ARRDC5: variants seen among roughly 807,000 people sequenced by gnomAD.
The protein encoded by ARRDC5 is arrestin domain-containing protein 5.
A neutral mutation model predicts 13.3 loss-of-function variants in ARRDC5; 12 were observed. The observed-to-expected ratio is 0.90, with a 90% CI of 0.58 to 1.46. The LOEUF (loss-of-function observed/expected upper bound fraction) is 1.46. ARRDC5 is among the 40% of genes most tolerant of loss of function. ARRDC5 has a pLI of 0.00. For missense variants in ARRDC5, 406 were observed against 418.7 expected (o/e 0.97, Z 0.26); for synonymous variants, 181 against 173.4 (o/e 1.04, Z -0.34).
At chr19:4,900,644 C>T (rs895908611) in intron 1 of ARRDC5, among the ~76,000 whole-genome samples, 2 of 152,122 alleles carry the variant, frequency 1.3e-5, no homozygotes, top group Non-Finnish European at 2.9e-5. Context: ...TGGAGTCCCT[C>T]CTATCACTCA....
chr19:4,915,720 CAAAACAA>C, the ARRDC5 span, among the ~76,000 whole-genome samples: 2 of 151,516 alleles, frequency 1.3e-5, no homozygotes, highest in African/African-American at 4.8e-5. Flanking sequence ...AAAAAAAAAG[CAAAACAA>C]AAAACAAAAC....
At chr19:4,903,985 CT>C (rs566325507), upstream of ARRDC5, among the ~76,000 whole-genome samples, 3 of 150,190 alleles carry the variant, frequency 2.0e-5, no homozygotes, top group South Asian at 6.4e-4. Flanking sequence ...TGACATTTCT[CT>C]TTTTTTTTGA....
the ARRDC5 span, among the ~76,000 whole-genome samples, chr19:4,912,291 C>T: frequency 8.5e-5 from 13 of 152,200 alleles, no homozygotes; most frequent in African/African-American, 2.7e-4. Context: ...TCCTATGATG[C>T]GTGCTCCCTT....
At chr19:4,900,282 T>A (rs2031875415) in intron 1 of ARRDC5, among the ~76,000 whole-genome samples, 1 of 151,270 alleles carries the variant, frequency 6.6e-6, no homozygotes, top group African/African-American at 2.4e-5. Flanking sequence ...TGAGCAGCTG[T>A]ATTTTTTGTA....
At chr19:4,909,664 G>A in the ARRDC5 span, 2 of 534,322 alleles carry the variant, frequency 3.7e-6, no homozygotes, top group Non-Finnish European at 6.5e-6. Flanking sequence ...AGGTGAGCGG[G>A]CGGGCCGGGT....
At chr19:4,914,259 C>T in the ARRDC5 span, among the ~76,000 whole-genome samples, 14 of 152,052 alleles carry the variant, frequency 9.2e-5, no homozygotes, top group African/African-American at 2.9e-4. Flanking sequence ...GGCGGGAAGG[C>T]GGGACAGAGG....
chr19:4,916,631 G>A, the ARRDC5 span, among the ~76,000 whole-genome samples: 4 of 152,274 alleles, frequency 2.6e-5, no homozygotes, highest in East Asian at 3.9e-4. Context: ...CCCTCGCGGC[G>A]CCGTCCACGC....
At chr19:4,906,525 G>A (rs1406302761), upstream of ARRDC5, among the ~76,000 whole-genome samples, 1 of 152,062 alleles carries the variant, frequency 6.6e-6, no homozygotes, top group Non-Finnish European at 1.5e-5. Flanking sequence ...AAGTCCAGGC[G>A]GGCAGATCAC....
At chr19:4,900,234 G>T (rs1010199178) in intron 1 of ARRDC5, among the ~76,000 whole-genome samples, 2 of 133,680 alleles carry the variant, frequency 1.5e-5, no homozygotes, top group Admixed American at 8.5e-5. Flanking sequence ...CGCAAGCTCC[G>T]CCTCCCGGGT....
At chr19:4,907,555 C>CCCAGGATTA (rs1405916828), upstream of ARRDC5, among the ~76,000 whole-genome samples, 1 of 151,952 alleles carries the variant, frequency 6.6e-6, no homozygotes, top group African/African-American at 2.4e-5. Flanking sequence ...CACGTGTGAG[C>CCCAGGATTA]CACCACGCCC....
intron 1 of ARRDC5, among the ~76,000 whole-genome samples, chr19:4,902,182 G>C (rs1273809184): frequency 6.6e-6 from 1 of 151,750 alleles, no homozygotes; most frequent in Non-Finnish European, 1.5e-5. Context: ...GAACCACTGT[G>C]CCTGGCCCAC....
At position 4,896,816 on chromosome 19, in the gene ARRDC5, A is replaced by G; in HGVS notation, c.314T>C (p.Leu105Pro). 1 of 1,613,934 alleles carries G rather than the reference A, an allele frequency of 6.2e-7. No individual in the cohort carries two copies. The highest frequency in any genetic ancestry group is 8.5e-7 in the Non-Finnish European group (1 of 1,179,870). Residue 105 changes from leucine (L) to proline (P), a missense_variant, in exon 2 of 3, where the codon CTT becomes CCT. Leu to Pro is a moderately conservative substitution (Grantham distance 98). Coordinates refer to ENST00000650722, the MANE Select transcript of ARRDC5 (RefSeq NM_001080523.3). ...AAATTTGCTGGTGAAGGTAGAAGGA[A>G]GCCTGGGAGGTAAGTTGAAATGGAA... ...FDFHFNLPPR[L>P]PSTFTSKFGH...
chr19:4,910,438 T>C, the ARRDC5 span: 1 of 152,784 alleles, frequency 6.5e-6, no homozygotes, highest in Non-Finnish European at 1.5e-5. Flanking sequence ...CTTGGTTGAG[T>C]TCCCCCGGGA....
At chr19:4,905,112 T>C (rs2602715), upstream of ARRDC5, among the ~76,000 whole-genome samples, 17,418 of 132,724 alleles carry the variant, frequency 0.13, 1,357 homozygotes, top group Non-Finnish European at 0.19. Flanking sequence ...AACTTTCTTT[T>C]TTTTTTTTTT....
chr19:4,902,511 T>C, intron 1 of ARRDC5, 62 bp downstream of exon 1: 3 of 1,500,770 alleles, frequency 2.0e-6, no homozygotes, highest in Non-Finnish European at 2.8e-6. Context: ...CTCTCGGATG[T>C]GTTTATTTTC....
upstream of ARRDC5, among the ~76,000 whole-genome samples, chr19:4,905,792 C>T (rs553872093): frequency 6.6e-6 from 1 of 152,184 alleles, no homozygotes. Flanking sequence ...TCTGGGATTA[C>T]AGGCGTGAGC....
At chr19:4,911,764 G>C in the ARRDC5 span, among the ~76,000 whole-genome samples, 2 of 152,202 alleles carry the variant, frequency 1.3e-5, no homozygotes, top group Non-Finnish European at 2.9e-5. Flanking sequence ...TGGTGTTTTT[G>C]TGGGGGACTG....
chr19:4,896,196 TC>T (rs2031703141), intron 2 of ARRDC5, among the ~76,000 whole-genome samples: 1 of 151,272 alleles, frequency 6.6e-6, no homozygotes, highest in African/African-American at 2.4e-5. Context: ...ACATCTGTAA[TC>T]CCAGTTACTC....
At chr19:4,908,739 C>A in the ARRDC5 span, among the ~76,000 whole-genome samples, 1 of 152,164 alleles carries the variant, frequency 6.6e-6, no homozygotes, top group African/African-American at 2.4e-5. Flanking sequence ...TTTAGTTATT[C>A]ATTTCTTGCC....
Sources: allele counts gnomAD v4.1 joint callset (sites outside exome capture counted in the v4.1 genomes callset), GRCh38; gene constraint gnomAD v4.1.1; transcripts MANE v1.5; gene names NCBI Gene and HGNC (gene_info 2026-07-23, HGNC 2026-07-21).